TRAF7: variants seen among roughly 807,000 people sequenced by gnomAD.
TRAF7 encodes TNF receptor associated factor 7.
Under a neutral mutation model 89.3 loss-of-function variants are expected in TRAF7, and 45 were observed. The observed-to-expected ratio is 0.50, with a 90% CI of 0.40 to 0.65. The LOEUF is 0.65. Among genes scored for constraint, TRAF7 ranks in the 30% least tolerant of loss-of-function variants. The probability of loss-of-function intolerance (pLI) is 0.00; values close to 1 mark genes in which losing one functional copy is unlikely to be tolerated. For missense variants in TRAF7, 677 were observed against 918.1 expected (o/e 0.74, Z 3.39); for synonymous variants, 406 against 369.2 (o/e 1.10, Z -1.14).
chr16:2,169,226 C>T (rs1440835404), intron 4 of TRAF7, among the ~76,000 whole-genome samples: 2 of 152,136 alleles, frequency 1.3e-5, no homozygotes, highest in Admixed American at 1.3e-4. Flanking sequence ...AGCTGATCTG[C>T]CCCCTCCTTG....
chr16:2,172,525 C>T lies in TRAF7; in HGVS notation c.720C>T (p.Pro240=). The change falls in exon 9 of 21, where the codon CCC becomes CCT. Residue 240 remains proline (P), a synonymous_variant. Coordinates refer to ENST00000326181, the MANE Select transcript of TRAF7 (RefSeq NM_032271.3). ...GGTGTCCCAACAACCCCAGCTGCCCCCCGCTGCTCAGGATGAACCTGGAGG... is the reference window on the plus strand; with the variant it reads ...GGTGTCCCAACAACCCCAGCTGCCCTCCGCTGCTCAGGATGAACCTGGAGG... ...PVRCPNNPSC[P]PLLRMNLEAH... The T allele has an allele frequency of 3.1e-6, 5 of 1,594,142 alleles. No homozygotes were observed. The highest frequency in any genetic ancestry group is 2.3e-5 in the East Asian group (1 of 44,130).
chr16:2,156,351 A>C (rs565796662), intron 1 of TRAF7, among the ~76,000 whole-genome samples: 5 of 152,214 alleles, frequency 3.3e-5, no homozygotes, highest in South Asian at 4.1e-4. Context: ...CCCCTTCCTC[A>C]ATTGCGATAA....
At chr16:2,165,255 G>C (rs2093079715) in intron 2 of TRAF7, among the ~76,000 whole-genome samples, 1 of 142,020 alleles carries the variant, frequency 7.0e-6, no homozygotes, top group South Asian at 2.2e-4. Flanking sequence ...GGCGCGGCCT[G>C]GTCGCATGGT....
chr16:2,170,565 C>T (rs1271065385), intron 4 of TRAF7, 49 bp from the exon 5 acceptor site: 2 of 1,461,656 alleles, frequency 1.4e-6, no homozygotes, highest in Non-Finnish European at 1.9e-6. Flanking sequence ...CTCCCCGAGG[C>T]TCTGACCCCG....
chr16:2,167,977 C>T (rs1278931121), intron 3 of TRAF7, 100 bp from the exon 4 acceptor site: 1 of 1,089,810 alleles, frequency 9.2e-7, no homozygotes, highest in Non-Finnish European at 1.4e-6. Flanking sequence ...GGGCTGTGAG[C>T]TACAGGGGAC....
chr16:2,169,141 A>G (rs1478216955), intron 4 of TRAF7, among the ~76,000 whole-genome samples: 2 of 151,182 alleles, frequency 1.3e-5, no homozygotes, highest in Non-Finnish European at 2.9e-5. Context: ...GTGCACCACC[A>G]CTCCTGGCTA....
Position 2,172,243 on chromosome 16 carries a change from G to T in TRAF7, c.528G>T (p.Ala176=), listed in dbSNP as rs772638624. The stretch of plus-strand genomic sequence containing the variant: ...TGACCGTGGTGGTGAACAACATCGC[G>T]GTGGCCGAGCAGATCGGGGAGCTCT... ...VKLTVVVNNI[A]VAEQIGELFI... The change falls in exon 8 of 21, where the codon GCG becomes GCT. Residue 176 remains alanine (A), a synonymous_variant. Transcript: ENST00000326181. 1 of 1,613,040 alleles carries T rather than the reference G, an allele frequency of 6.2e-7. No homozygotes were observed. Among genetic ancestry groups the T allele is most frequent in the Non-Finnish European group, 8.5e-7 (1 of 1,179,994 alleles).
chr16:2,177,496 G>A lies in TRAF7; in HGVS notation c.*922G>A, dbSNP rs1303967595. The A allele has an allele frequency of 4.3e-6, 1 of 233,432 alleles. No individual in the cohort carries two copies. Among genetic ancestry groups the A allele is most frequent in the African/African-American group, 2.2e-5 (1 of 45,258 alleles). 14.5% of individuals were successfully genotyped at this position (233,432 alleles called of 1,614,324 possible). A position where few individuals can be genotyped will look rare whatever the true frequency, so the allele number is the denominator to read the frequency against. On this transcript the variant is annotated 3_prime_UTR_variant, in exon 21 of 21. Coordinates refer to ENST00000326181, the MANE Select transcript of TRAF7 (RefSeq NM_032271.3). ...CAAACACGATAGAGGAGACCAGTCA[G>A]TACTTCTTGGAGGGGGCAGGAGGAG...
In TRAF7 at chr16:2,175,929, T is replaced by C; in HGVS notation, c.1722T>C (p.Cys574=). The part of the protein sequence containing the change: ...SIAVTNHHIV[C]GTYENLIHVW... ...CTGTGACAAATCACCACATTGTCTG[T>C]GGCACCTACGAGAACCTCATCCACG... The change falls in exon 18 of 21, where the codon TGT becomes TGC. Residue 574 remains cysteine, a synonymous_variant. Transcript: ENST00000326181. The C allele has an allele frequency of 1.2e-6, 2 of 1,613,444 alleles. No homozygotes were observed. The highest frequency in any genetic ancestry group is 1.7e-6 in the Non-Finnish European group (2 of 1,179,984).
rs181813525 is a variant in TRAF7, at chr16:2,165,312, G to T, written c.82-567G>T. Among the ~76,000 whole-genome samples the T allele has an allele frequency of 1.0e-4, 14 of 138,510 alleles. No individual in the cohort carries two copies. The East Asian group carries it at 3.1e-3, about 30-fold the overall frequency. 90.9% of individuals were successfully genotyped at this position (138,510 alleles called of 152,430 possible). A position where few individuals can be genotyped will look rare whatever the true frequency, so the allele number is the denominator to read the frequency against. ...GCGCGGCCTGGTCGCATGGTTAAGT[G>T]TGTGAGTGCTGTGTGGCGCGGCCTG... On this transcript the variant is annotated intron_variant, in intron 2 of 20. Transcript: ENST00000326181.
At chr16:2,170,525 C>G (rs769769446) in intron 4 of TRAF7, 89 bp from the exon 5 acceptor site, 18 of 955,424 alleles carry the variant, frequency 1.9e-5, no homozygotes, top group Non-Finnish European at 2.9e-5. Context: ...GTGCTGCTGC[C>G]CTCGCGCTTC....
intron 2 of TRAF7, 133 bp downstream of exon 2, chr16:2,164,134 G>GGTGTGGTGTGTGTGT (rs2093068603): frequency 2.8e-6 from 2 of 711,750 alleles, no homozygotes; most frequent in African/African-American, 3.8e-5. Context: ...GGTGGGGGGG[G>GGTGTGGTGTGTGTGT]GTGTGGTGTG....
chr16:2,159,419 C>T lies in TRAF7; in HGVS notation c.-39+3561C>T, dbSNP rs1194253894. On this transcript the variant is annotated intron_variant, in intron 1 of 20. Coordinates refer to ENST00000326181, the MANE Select transcript of TRAF7 (RefSeq NM_032271.3). The surrounding 1 kb of genome is among the most constrained non-coding windows in gnomAD (Gnocchi z 6.5). ...GGCACCCCAGGAGCCTTCGACGTCA[C>T]ACCCTGCCTATTTGGGATGGAAAAA... 1.3e-5 allele frequency among the ~76,000 whole-genome samples: 2 copies of T among 152,238 alleles called. No individual in the cohort carries two copies. Among genetic ancestry groups the T allele is most frequent in the Non-Finnish European group, 2.9e-5 (2 of 68,038 alleles).
At chr16:2,165,709 C>T (rs1473136152) in intron 2 of TRAF7, 170 bp from the exon 3 acceptor site, 44 of 713,948 alleles carry the variant, frequency 6.2e-5, no homozygotes, top group Non-Finnish European at 5.6e-5. Context: ...GCGGCCTGGT[C>T]GCATGATTAA....
chr16:2,177,479 A>C lies in TRAF7; in HGVS notation c.*905A>C, dbSNP rs2093143110. On this transcript the variant is annotated 3_prime_UTR_variant, in exon 21 of 21. Transcript: ENST00000326181. ...CCAACACTGTGGATCAGCAAACACG[A>C]TAGAGGAGACCAGTCAGTACTTCTT... 1 of 233,318 alleles carries C rather than the reference A, an allele frequency of 4.3e-6. No individual in the cohort carries two copies. Among genetic ancestry groups the C allele is most frequent in the African/African-American group, 2.2e-5 (1 of 45,218 alleles). 14.5% of individuals were successfully genotyped at this position (233,318 alleles called of 1,614,324 possible). A position where few individuals can be genotyped will look rare whatever the true frequency, so the allele number is the denominator to read the frequency against.
At position 2,177,897 on chromosome 16, in the gene TRAF7, G is replaced by A; in HGVS notation, c.*1323G>A. On this transcript the variant is annotated 3_prime_UTR_variant, in exon 21 of 21. Transcript: ENST00000326181. ...GGGCCCCAGCCTTCCACCTGTGCTA[G>A]CAGCCTGGGGCCTCCACTCTGGCCG... is the stretch of plus-strand genomic sequence containing the variant. 3.2e-6 allele frequency: 1 copy of A among 317,074 alleles called. No homozygotes were observed. The highest frequency in any genetic ancestry group is 6.0e-6 in the Non-Finnish European group (1 of 167,498). 19.6% of individuals were successfully genotyped at this position (317,074 alleles called of 1,614,324 possible).
At chr16:2,171,478 C>T in intron 6 of TRAF7, 94 bp from the exon 7 acceptor site, 1 of 1,583,098 alleles carries the variant, frequency 6.3e-7, no homozygotes, top group Non-Finnish European at 8.6e-7. Flanking sequence ...CTGCACTGGG[C>T]TTGGGGTACA....
rs564339172 is a variant in TRAF7, at chr16:2,165,917, C to T, written c.120C>T (p.Ala40=). 1.2e-5 allele frequency: 19 copies of T among 1,614,126 alleles called. No individual in the cohort carries two copies. The highest frequency in any genetic ancestry group is 7.7e-5 in the South Asian group (7 of 91,088). Residue 40 remains alanine (A), a synonymous_variant, in exon 3 of 21, where the codon GCC becomes GCT. Transcript: ENST00000326181. The stretch of plus-strand genomic sequence containing the variant: ...CGACCTTCGGACCCGCCTTTTCAGC[C>T]GTCACCACCATCACAAAAGGTGAGC... ...METTFGPAFS[A]VTTITKADGT...
At chr16:2,174,414 G>A (rs1484639935) in intron 14 of TRAF7, 81 bp downstream of exon 14, 2 of 1,400,306 alleles carry the variant, frequency 1.4e-6, no homozygotes, top group African/African-American at 1.4e-5. Context: ...TGAGCCATGA[G>A]CTCGAGCCTG....
Sources: gnomAD v4.1 joint callset for allele counts (sites outside exome capture counted in the v4.1 genomes callset) on GRCh38, gnomAD v4.1.1 for gene constraint, Gnocchi (gnomAD v3.1) non-coding constraint, MANE v1.5 for transcripts, NCBI Gene and HGNC (gene_info 2026-07-23, HGNC 2026-07-21) for gene names.